Variants in PRR5L observed in about 807,000 individuals in gnomAD.
PRR5L encodes the protein proline-rich protein 5-like.
A neutral mutation model predicts 36.4 loss-of-function variants in PRR5L; 21 were observed. The observed-to-expected ratio is 0.58, with a 90% CI of 0.41 to 0.83. PRR5L has a LOEUF of 0.83. Among genes scored for constraint, PRR5L ranks in the 40% least tolerant of loss-of-function variants. The probability of loss-of-function intolerance (pLI) is 0.00; values close to 1 mark genes in which losing one functional copy is unlikely to be tolerated. For synonymous variants in PRR5L, 188 were observed against 197.0 expected, an observed-to-expected ratio of 0.95 and a Z score of 0.38; for missense variants, 381 against 473.3, an observed-to-expected ratio of 0.80 and a Z score of 1.81.
intron 1 of PRR5L, among the ~76,000 whole-genome samples, chr11:36,365,785 A>T (rs1479672346): frequency 1.3e-5 from 2 of 152,206 alleles, no homozygotes; most frequent in African/African-American, 4.8e-5. Context: ...GCAGATGTTG[A>T]GTGATGGGCC....
At chr11:36,330,712 A>T (rs1273094830) in intron 1 of PRR5L, among the ~76,000 whole-genome samples, 1 of 152,256 alleles carries the variant, frequency 6.6e-6, no homozygotes, top group African/African-American at 2.4e-5. Context: ...TGTCTCTGTG[A>T]CATATTAATA....
At position 36,451,324 on chromosome 11, in the gene PRR5L, C is replaced by A. The variant is rs111844956; in HGVS notation, c.701C>A (p.Thr234Lys). 5.6e-6 allele frequency: 9 copies of A among 1,614,036 alleles called. No individual in the cohort carries two copies. The highest frequency in any genetic ancestry group is 2.7e-5 in the African/African-American group (2 of 74,920). ...ISGDRSFSGPTYTLARRHSRV... is the reference protein window; with the variant it reads ...ISGDRSFSGPKYTLARRHSRV... ...GGGGACCGTAGCTTCTCAGGCCCCA[C>A]GTACACGCTGGGTAAGGAGTGCAGC... The change falls in exon 8 of 9, where the codon ACG (threonine) becomes AAG (lysine). Residue 234 changes from threonine to lysine, a missense_variant. Coordinates refer to ENST00000530639, the MANE Select transcript of PRR5L (RefSeq NM_001160167.2).
Position 36,372,888 on chromosome 11 carries a change from C to A in PRR5L, c.-125-28109C>A, listed in dbSNP as rs187147238. On this transcript the variant is annotated intron_variant, in intron 1 of 8. Coordinates refer to ENST00000530639, the MANE Select transcript of PRR5L (RefSeq NM_001160167.2). The stretch of plus-strand genomic sequence containing the variant: ...TCAAACAATACAATCTAATATAGAA[C>A]ATTTAACGAGCCCACAGCCAGTGTG... Among the ~76,000 whole-genome samples, 413 of 152,160 alleles carry A rather than the reference C, an allele frequency of 2.7e-3. 4 individuals are homozygous for A. The highest frequency in any genetic ancestry group is 0.01 in the Middle Eastern group (3 of 294).
In PRR5L at chr11:36,324,536, TA is replaced by T. The variant is rs531093412; in HGVS notation, c.-126+28107del. Among the ~76,000 whole-genome samples the T allele has an allele frequency of 1.2e-4, 18 of 151,226 alleles. No individual in the cohort carries two copies. The East Asian group carries it at 1.4e-3, about 11-fold the overall frequency. On this transcript the variant is annotated intron_variant, in intron 1 of 8. Coordinates refer to ENST00000530639, the MANE Select transcript of PRR5L (RefSeq NM_001160167.2). ...TGAAATTAGTGTACTTTACTGCAAA[TA>T]AAAAAAAATTGTAAGAATAAATACA... is the stretch of plus-strand genomic sequence containing the variant.
Position 36,309,552 on chromosome 11 carries a change from A to G in PRR5L, c.-126+13114A>G, listed in dbSNP as rs972841770. On this transcript the variant is annotated intron_variant, in intron 1 of 8. Transcript: ENST00000530639. Reference sequence around the variant, plus strand: ...CAAAGAAAATCAACAGGTAAACCTGAGAACTGAATATCACAGTCAGTTTAA... The same window carrying G: ...CAAAGAAAATCAACAGGTAAACCTGGGAACTGAATATCACAGTCAGTTTAA... 6.2e-4 allele frequency among the ~76,000 whole-genome samples: 29 copies of G among 47,086 alleles called. 1 individual carries two copies. Among genetic ancestry groups the G allele is most frequent in the Admixed American group, 9.3e-4 (4 of 4,292 alleles). 30.9% of individuals were successfully genotyped at this position (47,086 alleles called of 152,430 possible).
intron 3 of PRR5L, among the ~76,000 whole-genome samples, chr11:36,410,653 T>A (rs1462503663): frequency 6.6e-6 from 1 of 152,172 alleles, no homozygotes; most frequent in African/African-American, 2.4e-5. Flanking sequence ...TGTTTCTCAC[T>A]ATTCCCACTG....
At chr11:36,335,975 T>C (rs1405333126) in intron 1 of PRR5L, among the ~76,000 whole-genome samples, 1 of 152,156 alleles carries the variant, frequency 6.6e-6, no homozygotes, top group Non-Finnish European at 1.5e-5. Flanking sequence ...AGTAACTGCA[T>C]GACTTGGGGT....
At chr11:36,348,483 C>T (rs978020719) in intron 1 of PRR5L, among the ~76,000 whole-genome samples, 2 of 152,132 alleles carry the variant, frequency 1.3e-5, no homozygotes, top group African/African-American at 2.4e-5. Context: ...CCGCCTCTTC[C>T]GACCATGTGT....
chr11:36,450,531 T>C (rs1466140594), intron 7 of PRR5L, among the ~76,000 whole-genome samples: 1 of 152,214 alleles, frequency 6.6e-6, no homozygotes, highest in Admixed American at 6.5e-5. Context: ...CTCTGAGGAC[T>C]CCTGTCATGC....
intron 7 of PRR5L, among the ~76,000 whole-genome samples, chr11:36,450,006 C>G (rs1466418041): frequency 6.6e-6 from 1 of 152,152 alleles, no homozygotes. Context: ...ACCTCCAAAT[C>G]TGCACCATAG....
chr11:36,333,219 C>G (rs1467651048), intron 1 of PRR5L, among the ~76,000 whole-genome samples: 1 of 152,130 alleles, frequency 6.6e-6, no homozygotes. Flanking sequence ...GTCTAAAATT[C>G]AAAAGACTGA....
At chr11:36,419,126 C>A in intron 3 of PRR5L, 129 bp from the exon 4 acceptor site, 1 of 780,794 alleles carries the variant, frequency 1.3e-6, no homozygotes, top group Admixed American at 1.8e-5. Context: ...GAAGGGGGAC[C>A]AGGACCTAAG....
intron 3 of PRR5L, among the ~76,000 whole-genome samples, chr11:36,412,546 G>C (rs1364593360): frequency 6.6e-6 from 1 of 152,148 alleles, no homozygotes; most frequent in East Asian, 1.9e-4. Flanking sequence ...TATGGCCTAG[G>C]TATTAGGAAT....
intron 1 of PRR5L, chr11:36,386,434 T>A (rs1721876438): frequency 6.6e-6 from 1 of 152,250 alleles, no homozygotes; most frequent in South Asian, 2.1e-4. Flanking sequence ...TTAAGGAGCT[T>A]CCATTCTGTC....
intron 1 of PRR5L, among the ~76,000 whole-genome samples, chr11:36,330,351 G>A (rs1856706188): frequency 6.6e-6 from 1 of 152,116 alleles, no homozygotes; most frequent in South Asian, 2.1e-4. Context: ...AATTCATTTA[G>A]TCCTATGCAA....
intron 1 of PRR5L, among the ~76,000 whole-genome samples, chr11:36,306,012 A>C (rs1856427531): frequency 6.6e-6 from 1 of 151,916 alleles, no homozygotes; most frequent in Non-Finnish European, 1.5e-5. Flanking sequence ...AGCTTATGTC[A>C]CTTAGCCAGG....
chr11:36,361,710 C>G (rs1187078004), intron 1 of PRR5L, among the ~76,000 whole-genome samples: 1 of 152,182 alleles, frequency 6.6e-6, no homozygotes, highest in Non-Finnish European at 1.5e-5. Flanking sequence ...AAAGAGACAA[C>G]CTTTTTCATT....
intron 4 of PRR5L, among the ~76,000 whole-genome samples, chr11:36,423,647 A>G (rs10501155): frequency 0.39 from 59,244 of 152,010 alleles, 11,729 homozygotes; most frequent in East Asian, 0.61. Context: ...AACAGAAAGT[A>G]GTAAAAGGAA....
chr11:36,368,811 G>T (rs1024516282), intron 1 of PRR5L, among the ~76,000 whole-genome samples: 1 of 152,164 alleles, frequency 6.6e-6, no homozygotes, highest in Non-Finnish European at 1.5e-5. Context: ...CATAAAATAT[G>T]TGATGGTTTT....
Sources: gnomAD v4.1 joint callset for allele counts (sites outside exome capture counted in the v4.1 genomes callset) on GRCh38, gnomAD v4.1.1 for gene constraint, MANE v1.5 for transcripts, NCBI Gene and HGNC (gene_info 2026-07-23, HGNC 2026-07-21) for gene names.